The following CDON variants were observed in gnomAD, a reference collection of about 807,000 sequenced individuals.
CDON encodes the protein cell adhesion associated, oncogene regulated.
A neutral mutation model predicts 120.9 loss-of-function variants in CDON; 73 were observed. The ratio of observed to expected loss-of-function variants is 0.60; its 90% CI spans 0.50 to 0.73. The LOEUF (loss-of-function observed/expected upper bound fraction) is 0.73, where lower values mean the gene tolerates loss of function less well. CDON is among the 30% of genes least tolerant of loss of function. CDON has a pLI of 0.00. For missense variants in CDON, 1,470 were observed against 1,587.3 expected (o/e 0.93, Z 1.26); for synonymous variants, 566 against 573.5 (o/e 0.99, Z 0.19).
At chr11:125,988,512 G>A (rs959908349) in intron 15 of CDON, among the ~76,000 whole-genome samples, 1 of 152,078 alleles carries the variant, frequency 6.6e-6, no homozygotes, top group Admixed American at 6.6e-5. Context: ...AACTAACAAC[G>A]TTGGAGTTAG....
At chr11:125,999,204 CA>C (rs1946869712) in intron 11 of CDON, among the ~76,000 whole-genome samples, 1 of 152,086 alleles carries the variant, frequency 6.6e-6, no homozygotes, top group Non-Finnish European at 1.5e-5. Context: ...CTAGAAAAAC[CA>C]AACAACTTCC....
intron 7 of CDON, among the ~76,000 whole-genome samples, chr11:126,012,363 A>G (rs1413827107): frequency 6.6e-6 from 1 of 152,106 alleles, no homozygotes; most frequent in Non-Finnish European, 1.5e-5. Context: ...TGGTTTTTAA[A>G]TTATACTTTC....
At chr11:125,995,442 G>A (rs1946753626) in intron 12 of CDON, among the ~76,000 whole-genome samples, 1 of 152,134 alleles carries the variant, frequency 6.6e-6, no homozygotes, top group Non-Finnish European at 1.5e-5. Context: ...CCAAAACTAG[G>A]TTCTTTTCAC....
intron 8 of CDON, among the ~76,000 whole-genome samples, chr11:126,009,487 G>A (rs1026132415): frequency 1.1e-4 from 16 of 152,180 alleles, no homozygotes; most frequent in Non-Finnish European, 2.2e-4. Context: ...TCTAGAAGGA[G>A]GAATGTGGGC....
At position 125,989,712 on chromosome 11, in the gene CDON, AG is replaced by A; in HGVS notation, c.2697del (p.Tyr900MetfsTer19). 6.2e-7 allele frequency: 1 copy of A among 1,613,320 alleles called. No homozygotes were observed. On this transcript the variant is annotated frameshift_variant, in exon 15 of 20. Transcript: ENST00000531738. LOFTEE classifies it high-confidence loss of function. ...HMIGHLQPET[S>X]YDIKMQCFNE... is the part of the protein sequence containing the mutation. ...TTGAAGCATTGCATTTTAATGTCATAGGAGGTTTCTGGCTGCAGGTGGCCAA... is the reference window on the plus strand; with the variant it reads ...TTGAAGCATTGCATTTTAATGTCATAGAGGTTTCTGGCTGCAGGTGGCCAA...
intron 1 of CDON, among the ~76,000 whole-genome samples, chr11:126,024,899 G>C (rs985994548): frequency 2.6e-5 from 4 of 152,134 alleles, no homozygotes; most frequent in African/African-American, 9.7e-5. Flanking sequence ...TATTTGTTCA[G>C]GGAGAATATA....
intron 18 of CDON, 46 bp from the exon 19 acceptor site, chr11:125,962,044 C>G (rs1466094866): frequency 2.8e-6 from 4 of 1,445,720 alleles, no homozygotes; most frequent in Non-Finnish European, 2.9e-6. Flanking sequence ...CTAGAGGAAC[C>G]AATAATTAAA....
intron 1 of CDON, among the ~76,000 whole-genome samples, chr11:126,057,630 A>G (rs1347688561): frequency 6.6e-6 from 1 of 152,240 alleles, no homozygotes; most frequent in Non-Finnish European, 1.5e-5. Flanking sequence ...TACCACAGAC[A>G]TGTGCATATG....
chr11:125,979,217 T>C (rs2134433174), intron 17 of CDON, among the ~76,000 whole-genome samples: 1 of 152,310 alleles, frequency 6.6e-6, no homozygotes, highest in Admixed American at 6.5e-5. Context: ...TTAGGAAAAG[T>C]TCAGGCAATT....
Position 125,996,949 on chromosome 11 carries a change from G to A in CDON, c.2362+258C>T, listed in dbSNP as rs73629804. Among the ~76,000 whole-genome samples the A allele has an allele frequency of 6.2e-3, 942 of 152,162 alleles. 11 individuals carry two copies. The highest frequency in any genetic ancestry group is 0.021 in the African/African-American group (888 of 41,510). On this transcript the variant is annotated intron_variant, in intron 12 of 19. Coordinates refer to ENST00000531738, the MANE Select transcript of CDON (RefSeq NM_001378964.1). ...AGCACTTTAGTAGGAGACCGAGGGC[G>A]GCAAATTGCATGAGCCCAGGAGTTC...
At chr11:125,985,231 A>G (rs1220281171) in intron 15 of CDON, among the ~76,000 whole-genome samples, 1 of 152,056 alleles carries the variant, frequency 6.6e-6, no homozygotes, top group African/African-American at 2.4e-5. Context: ...CTGGAGTGCA[A>G]TGGTGTGATC....
At chr11:125,986,034 C>T (rs1270636451) in intron 15 of CDON, among the ~76,000 whole-genome samples, 1 of 152,202 alleles carries the variant, frequency 6.6e-6, no homozygotes, top group Admixed American at 6.5e-5. Flanking sequence ...TAGTGCGGCA[C>T]TATTCACAAT....
chr11:125,989,815 T>C, intron 14 of CDON, 56 bp from the exon 15 acceptor site: 3 of 1,517,474 alleles, frequency 2.0e-6, no homozygotes, highest in South Asian at 2.3e-5. Flanking sequence ...ATAATGTCAA[T>C]ATAATTAGTT....
intron 18 of CDON, among the ~76,000 whole-genome samples, chr11:125,966,996 G>A (rs1281054919): frequency 6.6e-6 from 1 of 150,804 alleles, no homozygotes; most frequent in East Asian, 1.9e-4. Flanking sequence ...AGTTCTTCAA[G>A]TTGAAGGAAA....
intron 15 of CDON, among the ~76,000 whole-genome samples, chr11:125,985,676 T>G (rs1262032336): frequency 6.6e-6 from 1 of 152,198 alleles, no homozygotes; most frequent in Non-Finnish European, 1.5e-5. Flanking sequence ...GCAAAGCAGC[T>G]TTTTAAAAAT....
chr11:125,972,089 T>C (rs537378344), intron 18 of CDON, among the ~76,000 whole-genome samples: 2 of 152,320 alleles, frequency 1.3e-5, no homozygotes, highest in South Asian at 4.1e-4. Flanking sequence ...TTAAATATGC[T>C]TCTTTCTAGG....
intron 2 of CDON, among the ~76,000 whole-genome samples, chr11:126,022,101 CAAAAA>C (rs56788784): frequency 7.1e-5 from 4 of 56,550 alleles, no homozygotes; most frequent in East Asian, 5.5e-4. Flanking sequence ...GACCCTGCTT[CAAAAA>C]AAAAAAAAAA....
At chr11:125,976,941 G>A (rs1361448963) in intron 18 of CDON, among the ~76,000 whole-genome samples, 1 of 152,148 alleles carries the variant, frequency 6.6e-6, no homozygotes, top group Non-Finnish European at 1.5e-5. Flanking sequence ...AGATCCTGTC[G>A]TTATACCATT....
chr11:126,019,547 A>C, intron 4 of CDON, 72 bp downstream of exon 4: 3 of 1,534,340 alleles, frequency 2.0e-6, no homozygotes, highest in South Asian at 1.1e-5. Flanking sequence ...CCTAGCACAC[A>C]GAGCTTAGAA....
Sources: gnomAD v4.1 joint callset for allele counts (sites outside exome capture counted in the v4.1 genomes callset) on GRCh38, gnomAD v4.1.1 for gene constraint, MANE v1.5 for transcripts, NCBI Gene and HGNC (gene_info 2026-07-23, HGNC 2026-07-21) for gene names.